EFHB: variants seen among roughly 807,000 people sequenced by gnomAD.
EFHB encodes EF-hand domain-containing family member B.
In EFHB, 91 loss-of-function variants were observed where a neutral mutation model predicts 87.2. The ratio of observed to expected loss-of-function variants is 1.04; its 90% CI spans 0.88 to 1.24. EFHB has a LOEUF of 1.24. Among genes scored for constraint, EFHB ranks in the 50% most tolerant of loss-of-function variants. The probability of loss-of-function intolerance (pLI) is 0.00; values close to 1 mark genes in which losing one functional copy is unlikely to be tolerated. For synonymous variants in EFHB, 325 were observed against 333.6 expected, an observed-to-expected ratio of 0.97 and a Z score of 0.28; for missense variants, 1,084 against 998.8, an observed-to-expected ratio of 1.09 and a Z score of -1.15.
chr3:19,939,448 G>A (rs1341506919), intron 1 of EFHB, among the ~76,000 whole-genome samples: 14 of 134,592 alleles, frequency 1.0e-4, no homozygotes, highest in Admixed American at 4.8e-4. Flanking sequence ...GCAGTGGCGC[G>A]ATCTTGGCTC....
intron 9 of EFHB, 41 bp from the exon 10 acceptor site, chr3:19,888,692 C>G: frequency 6.6e-7 from 1 of 1,510,280 alleles, no homozygotes. Flanking sequence ...TGGGAGTTGT[C>G]TTCAAGAGCA....
At chr3:19,905,387 C>T (rs1315461587) in intron 6 of EFHB, among the ~76,000 whole-genome samples, 1 of 151,618 alleles carries the variant, frequency 6.6e-6, no homozygotes, top group Non-Finnish European at 1.5e-5. Context: ...TGTTTGCTTG[C>T]AACTTCAGAA....
At position 19,933,622 on chromosome 3, in the gene EFHB, C is replaced by G. The variant is rs1394386730; in HGVS notation, c.397G>C (p.Val133Leu). ...CCTGCAGCCTGTGAACTTCCACACA[C>G]CCTGCCCAAAGGAGGCTGTATTATC... The part of the protein sequence containing the change: ...ERIIQPPLGR[V>L]CGSSQAAGSR... The change falls in exon 1 of 13, where the codon GTG becomes CTG. Residue 133 changes from valine (V) to leucine (L), a missense_variant. Physicochemically the swap from Val to Leu is conservative, Grantham distance 32 (BLOSUM62 1). Coordinates refer to ENST00000295824, the MANE Select transcript of EFHB (RefSeq NM_144715.4). 3 of 1,614,048 alleles carry G rather than the reference C, an allele frequency of 1.9e-6. No homozygotes were observed. In the Admixed American group the frequency reaches 5.0e-5, roughly 27 times the overall value.
intron 4 of EFHB, among the ~76,000 whole-genome samples, chr3:19,917,721 C>G (rs1003843607): frequency 1.3e-5 from 2 of 152,182 alleles, no homozygotes; most frequent in African/African-American, 4.8e-5. Flanking sequence ...TACTCCCTCT[C>G]AAAATCAGAG....
intron 1 of EFHB, among the ~76,000 whole-genome samples, chr3:19,924,093 G>C (rs1196343320): frequency 6.6e-6 from 1 of 152,042 alleles, no homozygotes; most frequent in Non-Finnish European, 1.5e-5. Flanking sequence ...AACTAGTGAT[G>C]ATTCTTTCCT....
Position 19,887,268 on chromosome 3 carries a change from C to T in EFHB, c.1933+1176G>A, listed in dbSNP as rs116347607. ...ATGGTGGCACACACCTGCCATAATC[C>T]CAGCTACTCTGGAGGCTGAGGCACG... On this transcript the variant is annotated intron_variant, in intron 10 of 12. Coordinates refer to ENST00000295824, the MANE Select transcript of EFHB (RefSeq NM_144715.4). Among the ~76,000 whole-genome samples, 1,454 of 151,540 alleles carry T rather than the reference C, an allele frequency of 9.6e-3. 18 individuals are homozygous for T. Among genetic ancestry groups the T allele is most frequent in the African/African-American group, 0.033 (1,380 of 41,288 alleles).
chr3:19,917,457 G>T (rs1695273093), intron 4 of EFHB, among the ~76,000 whole-genome samples: 1 of 152,050 alleles, frequency 6.6e-6, no homozygotes, highest in Non-Finnish European at 1.5e-5. Flanking sequence ...CAAAGCTAAG[G>T]TTCCTGGAAG....
chr3:19,940,412 A>T, intron 1 of EFHB: 1 of 443,318 alleles, frequency 2.3e-6, no homozygotes, highest in South Asian at 1.7e-5. Flanking sequence ...TGATGTTCAA[A>T]TTCTTCCTTC....
At chr3:19,924,933 G>A (rs1027372323) in intron 1 of EFHB, among the ~76,000 whole-genome samples, 67 of 152,082 alleles carry the variant, frequency 4.4e-4, no homozygotes, top group African/African-American at 1.5e-3. Context: ...GAGAAATACC[G>A]CTTCTAAGCT....
chr3:19,921,635 T>C (rs1695440598), intron 1 of EFHB, among the ~76,000 whole-genome samples: 1 of 152,138 alleles, frequency 6.6e-6, no homozygotes, highest in South Asian at 2.1e-4. Context: ...CCAGTCTTAA[T>C]GCTGTATCTT....
chr3:19,892,289 T>C (rs1352479088), intron 9 of EFHB, among the ~76,000 whole-genome samples: 1 of 152,196 alleles, frequency 6.6e-6, no homozygotes, highest in Non-Finnish European at 1.5e-5. Context: ...GGTATTATTG[T>C]GCATTGGAAT....
At chr3:19,905,244 G>C (rs1277252972) in intron 6 of EFHB, among the ~76,000 whole-genome samples, 2 of 152,058 alleles carry the variant, frequency 1.3e-5, no homozygotes, top group East Asian at 1.9e-4. Context: ...AGAGCAAGAT[G>C]CTGTCTCAAT....
chr3:19,935,733 C>T (rs188982896), upstream of EFHB, among the ~76,000 whole-genome samples: 17 of 151,452 alleles, frequency 1.1e-4, no homozygotes, highest in Admixed American at 3.3e-4. Context: ...CAAAAATGGC[C>T]GGGCGCAGTG....
chr3:19,945,334 A>AT (rs1398647879), intron 1 of EFHB, among the ~76,000 whole-genome samples: 3 of 152,230 alleles, frequency 2.0e-5, no homozygotes, highest in African/African-American at 7.2e-5. Flanking sequence ...AGCATTGAAC[A>AT]TTTTTTAGTA....
At chr3:19,946,511 G>A (rs1019020592) in intron 1 of EFHB, among the ~76,000 whole-genome samples, 1 of 152,160 alleles carries the variant, frequency 6.6e-6, no homozygotes, top group East Asian at 1.9e-4. Flanking sequence ...GGCCTTCCCC[G>A]CCCCCTACCA....
Position 19,879,621 on chromosome 3 carries a change from T to C in EFHB, c.*10A>G. The C allele has an allele frequency of 6.5e-7, 1 of 1,544,686 alleles. No individual in the cohort carries two copies. Among genetic ancestry groups the C allele is most frequent in the Non-Finnish European group, 8.7e-7 (1 of 1,148,172 alleles). ...AATTCTTTTGCTTGAATGAATGAAGTCCAAAAATATCACATGAGTGTTTTA... is the reference window on the plus strand; with the variant it reads ...AATTCTTTTGCTTGAATGAATGAAGCCCAAAAATATCACATGAGTGTTTTA... On this transcript the variant is annotated 3_prime_UTR_variant, in exon 13 of 13. Coordinates refer to ENST00000295824, the MANE Select transcript of EFHB (RefSeq NM_144715.4).
chr3:19,899,543 C>T, intron 6 of EFHB, 28 bp from the exon 7 acceptor site: 1 of 1,539,630 alleles, frequency 6.5e-7, no homozygotes, highest in South Asian at 1.2e-5. Flanking sequence ...TATCAGGTAT[C>T]TCTATTACCT....
chr3:19,914,964 C>T (rs1695176031), intron 5 of EFHB, among the ~76,000 whole-genome samples: 1 of 151,806 alleles, frequency 6.6e-6, no homozygotes, highest in Admixed American at 6.6e-5. Flanking sequence ...TGGTGGTGCA[C>T]ACCTGTAGTC....
chr3:19,941,093 T>C, intron 1 of EFHB: 1 of 376,168 alleles, frequency 2.7e-6, no homozygotes, highest in Non-Finnish European at 4.9e-6. Flanking sequence ...TTAGGGCTGA[T>C]GCTCTTATTC....
Sources: gnomAD v4.1 joint callset for allele counts (sites outside exome capture counted in the v4.1 genomes callset) on GRCh38, gnomAD v4.1.1 for gene constraint, MANE v1.5 for transcripts, NCBI Gene and HGNC (gene_info 2026-07-23, HGNC 2026-07-21) for gene names.